SUGCT: variants seen among roughly 807,000 people sequenced by gnomAD.
SUGCT encodes succinyl-CoA:glutarate-CoA transferase.
In SUGCT, 41 loss-of-function variants were observed where a neutral mutation model predicts 55.0. The observed-to-expected ratio is 0.74, with a 90% CI of 0.58 to 0.97. The LOEUF (loss-of-function observed/expected upper bound fraction) is 0.97. Among genes scored for constraint, SUGCT ranks in the 50% least tolerant of loss-of-function variants. The pLI, the probability that SUGCT is intolerant of heterozygous loss-of-function variation, is 0.00. For missense variants in SUGCT, 568 were observed against 547.8 expected (o/e 1.04, Z -0.37); for synonymous variants, 187 against 200.4 (o/e 0.93, Z 0.56).
chr7:40,632,801 G>A (rs1030330226), intron 12 of SUGCT, among the ~76,000 whole-genome samples: 2 of 152,104 alleles, frequency 1.3e-5, no homozygotes, highest in Non-Finnish European at 2.9e-5. Context: ...TTAAGCAAAA[G>A]AGACTAGTAT....
chr7:40,788,437 G>A (rs1790144909), intron 13 of SUGCT, among the ~76,000 whole-genome samples: 1 of 152,198 alleles, frequency 6.6e-6, no homozygotes, highest in African/African-American at 2.4e-5. Context: ...CCTGGCAAAA[G>A]TTTTAAGGCA....
intron 9 of SUGCT, among the ~76,000 whole-genome samples, chr7:40,395,035 T>A (rs941113233): frequency 3.3e-5 from 5 of 152,346 alleles, no homozygotes; most frequent in Middle Eastern, 3.4e-3. Flanking sequence ...TGTGAAATAT[T>A]ATTATTGTTT....
the SUGCT span, among the ~76,000 whole-genome samples, chr7:40,973,013 T>G: frequency 6.6e-5 from 10 of 152,234 alleles, no homozygotes; most frequent in African/African-American, 1.7e-4. Flanking sequence ...CATTCTCTGC[T>G]TTTCCGGAGA....
intron 8 of SUGCT, among the ~76,000 whole-genome samples, chr7:40,308,179 G>A (rs954471913): frequency 6.6e-6 from 1 of 152,152 alleles, no homozygotes; most frequent in East Asian, 1.9e-4. Flanking sequence ...AATATAAAAT[G>A]TGAAGCCAAG....
the SUGCT span, among the ~76,000 whole-genome samples, chr7:41,003,909 A>G: frequency 2.0e-5 from 3 of 152,180 alleles, no homozygotes; most frequent in Non-Finnish European, 4.4e-5. Flanking sequence ...TTGCCTGTTT[A>G]TTGTATCATC....
At chr7:40,202,635 T>G (rs937807023) in intron 6 of SUGCT, among the ~76,000 whole-genome samples, 1 of 152,126 alleles carries the variant, frequency 6.6e-6, no homozygotes, top group African/African-American at 2.4e-5. Flanking sequence ...ACTGGTGTAG[T>G]TGTAACCTGC....
the SUGCT span, among the ~76,000 whole-genome samples, chr7:41,038,596 C>G: frequency 6.6e-6 from 1 of 152,172 alleles, no homozygotes; most frequent in African/African-American, 2.4e-5. Flanking sequence ...GAGTTGCCTC[C>G]TCATCAACAG....
At chr7:40,697,920 C>A (rs1185415711) in intron 12 of SUGCT, among the ~76,000 whole-genome samples, 1 of 152,196 alleles carries the variant, frequency 6.6e-6, no homozygotes, top group Non-Finnish European at 1.5e-5. Flanking sequence ...GAATACCCAG[C>A]AGAGAAGTTA....
At chr7:40,644,593 C>T (rs1215908708) in intron 12 of SUGCT, among the ~76,000 whole-genome samples, 5 of 152,210 alleles carry the variant, frequency 3.3e-5, no homozygotes, top group Admixed American at 1.3e-4. Flanking sequence ...AATGAGCAGT[C>T]GGCTCACCCA....
chr7:40,366,586 C>T (rs1783985992), intron 9 of SUGCT, among the ~76,000 whole-genome samples: 1 of 152,078 alleles, frequency 6.6e-6, no homozygotes. Flanking sequence ...CAAACAATCC[C>T]ATCAAAAAGT....
rs530720428 is a variant in SUGCT, at chr7:40,395,508, A to G, written c.817-53779A>G. ...CTGTCTCAAAAAAAAAAAAAAAAAA[A>G]AAAAAAGAAAAAAAAATTCAATTTT... is the stretch of plus-strand genomic sequence containing the variant. On this transcript the variant is annotated intron_variant, in intron 9 of 13. Transcript: ENST00000335693. Among the ~76,000 whole-genome samples the G allele has an allele frequency of 4.4e-3, 669 of 150,946 alleles. 4 individuals are homozygous for G. The highest frequency in any genetic ancestry group is 0.016 in the African/African-American group (639 of 40,872).
chr7:40,850,423 T>C (rs1793793517), intron 13 of SUGCT, among the ~76,000 whole-genome samples: 2 of 152,190 alleles, frequency 1.3e-5, no homozygotes, highest in Admixed American at 6.5e-5. Context: ...CTGTAGTAAG[T>C]GCATGTTAAA....
intron 12 of SUGCT, among the ~76,000 whole-genome samples, chr7:40,523,648 T>A (rs1310065361): frequency 6.6e-6 from 1 of 152,096 alleles, no homozygotes; most frequent in Non-Finnish European, 1.5e-5. Context: ...GATCTACTTC[T>A]TTGCCTTTTC....
intron 9 of SUGCT, among the ~76,000 whole-genome samples, chr7:40,369,350 T>A (rs1026914355): frequency 1.3e-5 from 2 of 152,182 alleles, no homozygotes; most frequent in African/African-American, 2.4e-5. Flanking sequence ...AGAAGATGAC[T>A]TCTAAATTGA....
At chr7:40,753,832 T>C (rs1456776624) in intron 13 of SUGCT, among the ~76,000 whole-genome samples, 1 of 152,180 alleles carries the variant, frequency 6.6e-6, no homozygotes, top group Non-Finnish European at 1.5e-5. Context: ...CTCTTAAAAA[T>C]CCCTTTTGGC....
chr7:40,427,945 C>G (rs1314753355), intron 9 of SUGCT, among the ~76,000 whole-genome samples: 1 of 152,108 alleles, frequency 6.6e-6, no homozygotes, highest in Non-Finnish European at 1.5e-5. Context: ...CCATAGTGTT[C>G]TTCAAGTCTT....
the SUGCT span, among the ~76,000 whole-genome samples, chr7:41,012,856 A>T: frequency 1.3e-5 from 2 of 152,154 alleles, no homozygotes; most frequent in Non-Finnish European, 2.9e-5. Context: ...CTCAGAATCT[A>T]TGATGAAAAT....
intron 12 of SUGCT, among the ~76,000 whole-genome samples, chr7:40,738,469 A>G (rs1300230929): frequency 1.3e-5 from 2 of 152,164 alleles, no homozygotes; most frequent in Admixed American, 1.3e-4. Flanking sequence ...ACATAAAACT[A>G]AAAACTTAGA....
intron 3 of SUGCT, among the ~76,000 whole-genome samples, chr7:40,187,962 T>G (rs190308962): frequency 9.4e-4 from 143 of 151,614 alleles, no homozygotes; most frequent in African/African-American, 3.3e-3. Context: ...GTCAGGAGTT[T>G]GAGATGAGCC....
Sources: gnomAD v4.1 joint callset for allele counts (sites outside exome capture counted in the v4.1 genomes callset) on GRCh38, gnomAD v4.1.1 for gene constraint, MANE v1.5 for transcripts, NCBI Gene and HGNC (gene_info 2026-07-23, HGNC 2026-07-21) for gene names.